SCAPER: variants seen among roughly 807,000 people sequenced by gnomAD.
The protein encoded by SCAPER is S-phase cyclin A associated protein in the ER.
In SCAPER, 98 loss-of-function variants were observed where a neutral mutation model predicts 182.2. The ratio of observed to expected loss-of-function variants is 0.54; its 90% CI spans 0.46 to 0.64. The LOEUF (loss-of-function observed/expected upper bound fraction) is 0.64, where lower values mean the gene tolerates loss of function less well. SCAPER is among the 30% of genes least tolerant of loss of function. The pLI is 0.00. For missense variants in SCAPER, 1,432 were observed against 1,690.0 expected (o/e 0.85, Z 2.68); for synonymous variants, 605 against 564.6 (o/e 1.07, Z -1.01).
chr15:76,657,540 A>G (rs973244597), intron 21 of SCAPER, among the ~76,000 whole-genome samples: 1 of 149,998 alleles, frequency 6.7e-6, no homozygotes, highest in African/African-American at 2.4e-5. Flanking sequence ...AACTCATTCT[A>G]TGAGCCAAGC....
intron 21 of SCAPER, among the ~76,000 whole-genome samples, chr15:76,652,094 C>T (rs1160654042): frequency 6.7e-6 from 1 of 149,078 alleles, no homozygotes; most frequent in Non-Finnish European, 1.5e-5. Flanking sequence ...TGAAAACTTT[C>T]AACAGATTAG....
At chr15:76,533,457 T>C (rs2043851593) in intron 23 of SCAPER, among the ~76,000 whole-genome samples, 1 of 152,156 alleles carries the variant, frequency 6.6e-6, no homozygotes, top group African/African-American at 2.4e-5. Context: ...TAACATGCTG[T>C]ACAGATTTGT....
At chr15:76,424,713 C>T (rs1452775945) in intron 26 of SCAPER, among the ~76,000 whole-genome samples, 4 of 152,172 alleles carry the variant, frequency 2.6e-5, no homozygotes, top group Non-Finnish European at 4.4e-5. Flanking sequence ...TTCCTAGCAT[C>T]AATGGTCTTT....
In SCAPER at chr15:76,738,487, G is replaced by A. The variant is rs1179893221; in HGVS notation, c.1867-5103C>T. ...CGGGAGGCGAAGCTTGCAGTGAGCC[G>A]ACATCACGCCACTGCACTCCATCCA... is the stretch of plus-strand genomic sequence containing the variant. On this transcript the variant is annotated intron_variant, in intron 15 of 31. Coordinates refer to ENST00000563290, the MANE Select transcript of SCAPER (RefSeq NM_020843.4). Among the ~76,000 whole-genome samples, 4 of 149,448 alleles carry A rather than the reference G, an allele frequency of 2.7e-5. No individual in the cohort carries two copies. The Admixed American group carries it at 2.7e-4, about 10-fold the overall frequency.
intron 4 of SCAPER, among the ~76,000 whole-genome samples, chr15:76,848,336 T>C (rs999319050): frequency 2.1e-5 from 3 of 144,140 alleles, no homozygotes; most frequent in Non-Finnish European, 4.5e-5. Flanking sequence ...TTTTTTTTTT[T>C]TTTTTTTTTT....
At chr15:76,530,481 C>G (rs753722119) in intron 23 of SCAPER, among the ~76,000 whole-genome samples, 1 of 152,120 alleles carries the variant, frequency 6.6e-6, no homozygotes, top group East Asian at 1.9e-4. Flanking sequence ...GGTCTGAGAA[C>G]GAGAAAAATT....
At chr15:76,575,606 C>G (rs2047759997) in intron 22 of SCAPER, among the ~76,000 whole-genome samples, 2 of 152,206 alleles carry the variant, frequency 1.3e-5, no homozygotes, top group South Asian at 4.1e-4. Context: ...CTCAAGCTCT[C>G]TCTTCTTCCT....
intron 29 of SCAPER, among the ~76,000 whole-genome samples, chr15:76,369,896 A>G (rs2042034847): frequency 6.6e-6 from 1 of 152,288 alleles, no homozygotes; most frequent in South Asian, 2.1e-4. Flanking sequence ...AGTGCATGTA[A>G]ATCAACTGTG....
intron 29 of SCAPER, among the ~76,000 whole-genome samples, chr15:76,359,983 T>G (rs1235672183): frequency 6.6e-6 from 1 of 152,218 alleles, no homozygotes; most frequent in Non-Finnish European, 1.5e-5. Flanking sequence ...ATTGAAGGCT[T>G]CAATGGTGTC....
chr15:76,777,837 G>GT (rs1333506758), intron 8 of SCAPER, among the ~76,000 whole-genome samples: 8 of 152,128 alleles, frequency 5.3e-5, no homozygotes, highest in African/African-American at 1.2e-4. Context: ...CTCATACACA[G>GT]TAAGTTTGAA....
chr15:76,447,457 G>C (rs1398942725), intron 25 of SCAPER, among the ~76,000 whole-genome samples: 1 of 152,134 alleles, frequency 6.6e-6, no homozygotes, highest in African/African-American at 2.4e-5. Flanking sequence ...CTGAAGTGGT[G>C]GACAGTCTTG....
chr15:76,392,652 G>A (rs1453326026), intron 27 of SCAPER, among the ~76,000 whole-genome samples: 1 of 152,202 alleles, frequency 6.6e-6, no homozygotes, highest in Non-Finnish European at 1.5e-5. Flanking sequence ...TTGGGAAGCT[G>A]AGGTTGGAGG....
In SCAPER at chr15:76,720,715, C is replaced by A. The variant is rs2060182855; in HGVS notation, c.2165+7880G>T. On this transcript the variant is annotated intron_variant, in intron 17 of 31. Transcript: ENST00000563290. ...CACTTTTTCATGTGGTTCTTGGCTG[C>A]ATAAATGTCTTCTTTTGAGAAGTGT... is the stretch of plus-strand genomic sequence containing the variant. 2.0e-5 allele frequency among the ~76,000 whole-genome samples: 3 copies of A among 152,330 alleles called. 1 individual carries two copies. The South Asian group carries it at 6.2e-4, about 32-fold the overall frequency.
intron 4 of SCAPER, among the ~76,000 whole-genome samples, chr15:76,854,363 G>A (rs747534379): frequency 4.6e-5 from 7 of 151,866 alleles, no homozygotes; most frequent in Non-Finnish European, 8.8e-5. Context: ...TCAAAATTGC[G>A]ACAAAAAAGA....
At chr15:76,467,079 T>C (rs2049729608) in intron 25 of SCAPER, among the ~76,000 whole-genome samples, 1 of 152,070 alleles carries the variant, frequency 6.6e-6, no homozygotes, top group Non-Finnish European at 1.5e-5. Flanking sequence ...TCCTCCTCCT[T>C]CTCCAGCCAT....
chr15:76,400,314 T>C lies in SCAPER; in HGVS notation c.3467+4210A>G, dbSNP rs77284857. On this transcript the variant is annotated intron_variant, in intron 27 of 31. Transcript: ENST00000563290. ...CTTGACTCTGGTTCTGGCTAGCTTCTGGTAGCCAAAATAGACATTATGTGA... is the reference window on the plus strand; with the variant it reads ...CTTGACTCTGGTTCTGGCTAGCTTCCGGTAGCCAAAATAGACATTATGTGA... Among the ~76,000 whole-genome samples, 1,261 of 152,332 alleles carry C rather than the reference T, an allele frequency of 8.3e-3. 17 individuals carry two copies. The highest frequency in any genetic ancestry group is 0.029 in the African/African-American group (1,201 of 41,582).
intron 22 of SCAPER, among the ~76,000 whole-genome samples, chr15:76,581,608 A>G (rs921253038): frequency 1.3e-5 from 2 of 152,190 alleles, no homozygotes; most frequent in African/African-American, 4.8e-5. Context: ...TTGTTTGGAG[A>G]CAGAGTCTCG....
At chr15:76,399,350 C>T (rs1043705986) in intron 27 of SCAPER, among the ~76,000 whole-genome samples, 1 of 152,078 alleles carries the variant, frequency 6.6e-6, no homozygotes, top group Non-Finnish European at 1.5e-5. Context: ...GTTGGCCAGT[C>T]TCGTCTTGAA....
chr15:76,726,878 C>A (rs1051705380), intron 17 of SCAPER, among the ~76,000 whole-genome samples: 2 of 151,988 alleles, frequency 1.3e-5, no homozygotes, highest in South Asian at 4.1e-4. Context: ...GTAGATAGAA[C>A]ACTTCAGTCT....
Sources: allele counts gnomAD v4.1 joint callset (sites outside exome capture counted in the v4.1 genomes callset), GRCh38; gene constraint gnomAD v4.1.1; transcripts MANE v1.5; gene names NCBI Gene and HGNC (gene_info 2026-07-23, HGNC 2026-07-21).